The following HNRNPC variants were observed in gnomAD, a reference collection of about 807,000 sequenced individuals.
HNRNPC encodes the protein heterogeneous nuclear ribonucleoprotein C.
In HNRNPC, 3 loss-of-function variants were observed where a neutral mutation model predicts 33.2. The observed-to-expected ratio is 0.09, with a 90% CI of 0.04 to 0.23. The LOEUF is 0.23. Ranked by LOEUF, HNRNPC falls within the 10% of genes least tolerant of loss-of-function variation. HNRNPC has a pLI of 1.00. For synonymous variants in HNRNPC, 121 were observed against 126.7 expected (o/e 0.96, Z 0.30); for missense variants, 143 against 366.7 (o/e 0.39, Z 4.98).
At chr14:21,265,456 G>A (rs1878818572) in intron 1 of HNRNPC, 1 of 152,180 alleles carries the variant, frequency 6.6e-6, no homozygotes, top group Non-Finnish European at 1.5e-5. Flanking sequence ...TGTTATTTAT[G>A]TTAAACTGAA....
chr14:21,243,298 C>T (rs1379618875), intron 2 of HNRNPC, among the ~76,000 whole-genome samples: 4 of 152,096 alleles, frequency 2.6e-5, no homozygotes, highest in African/African-American at 4.8e-5. Context: ...CTCCTAACTT[C>T]AGTGCGTATC....
chr14:21,268,585 G>A (rs907468007), intron 1 of HNRNPC: 2 of 152,092 alleles, frequency 1.3e-5, no homozygotes, highest in Non-Finnish European at 2.9e-5. Context: ...ACACTTTTCT[G>A]CCTCAGTTTC....
chr14:21,239,643 G>A (rs1403375226), intron 2 of HNRNPC, among the ~76,000 whole-genome samples: 1 of 152,146 alleles, frequency 6.6e-6, no homozygotes, highest in Non-Finnish European at 1.5e-5. Context: ...GGAGGCTGAG[G>A]CGAGCAAATC....
At chr14:21,220,494 G>A (rs1892707067) in intron 5 of HNRNPC, among the ~76,000 whole-genome samples, 1 of 152,168 alleles carries the variant, frequency 6.6e-6, no homozygotes, top group South Asian at 2.1e-4. Flanking sequence ...CTCCCAAAGT[G>A]CTGGGATTAC....
chr14:21,209,548 A>C lies in HNRNPC; in HGVS notation c.*1675T>G, dbSNP rs1288415659. ...AGTATTTTTGACTGAATTAACATAC[A>C]AAAGAAATTGCCTATATCATGTATA... On this transcript the variant is annotated 3_prime_UTR_variant, in exon 9 of 9. Transcript: ENST00000553300. 2.0e-5 allele frequency: 3 copies of C among 152,202 alleles called. No homozygotes were observed. Among genetic ancestry groups the C allele is most frequent in the Non-Finnish European group, 4.4e-5 (3 of 68,022 alleles). The allele number at this position is 152,202 out of a possible 1,614,324, so 9.4% of individuals were successfully genotyped here. A position where few individuals can be genotyped will look rare whatever the true frequency, so the allele number is the denominator to read the frequency against.
At chr14:21,238,349 C>T (rs1894956193) in intron 2 of HNRNPC, among the ~76,000 whole-genome samples, 1 of 152,112 alleles carries the variant, frequency 6.6e-6, no homozygotes, top group African/African-American at 2.4e-5. Flanking sequence ...ACATAGGAGA[C>T]ATAAATGAAC....
intron 2 of HNRNPC, among the ~76,000 whole-genome samples, chr14:21,248,046 C>T (rs769466968): frequency 7.9e-5 from 12 of 151,714 alleles, no homozygotes; most frequent in Non-Finnish European, 1.2e-4. Context: ...CCACTATGAC[C>T]GAACCTTAAA....
At chr14:21,216,122 A>C (rs1216669016) in intron 5 of HNRNPC, among the ~76,000 whole-genome samples, 9 of 95,802 alleles carry the variant, frequency 9.4e-5, no homozygotes, top group Admixed American at 3.6e-4. Context: ...TCCACCACCA[A>C]AAAAAAAAAA....
At chr14:21,231,477 A>G (rs1021836759) in intron 3 of HNRNPC, 1 of 445,812 alleles carries the variant, frequency 2.2e-6, no homozygotes, top group Admixed American at 2.5e-5. Context: ...CCACCCAAGT[A>G]GCAGGGACCA....
intron 5 of HNRNPC, among the ~76,000 whole-genome samples, chr14:21,228,057 T>C (rs555536952): frequency 4.7e-4 from 71 of 152,280 alleles, no homozygotes; most frequent in African/African-American, 1.7e-3. Flanking sequence ...ATAAGACCAG[T>C]TGTGTAAGAA....
At chr14:21,218,796 TC>T (rs1892513625) in intron 5 of HNRNPC, among the ~76,000 whole-genome samples, 1 of 148,054 alleles carries the variant, frequency 6.8e-6, no homozygotes, top group Non-Finnish European at 1.5e-5. Context: ...GCCCAAGAGT[TC>T]AAGACCAGCC....
At chr14:21,241,080 C>G (rs1857383607) in intron 2 of HNRNPC, among the ~76,000 whole-genome samples, 1 of 151,944 alleles carries the variant, frequency 6.6e-6, no homozygotes, top group African/African-American at 2.4e-5. Flanking sequence ...ACCAGCCTGG[C>G]CAACGTGGTG....
rs894198129 is a variant in HNRNPC, at chr14:21,256,857, T to C, written c.-37+6454A>G. Among the ~76,000 whole-genome samples, 4 of 152,234 alleles carry C rather than the reference T, an allele frequency of 2.6e-5. No individual in the cohort carries two copies. In the South Asian group the frequency reaches 6.2e-4, roughly 24 times the overall value. Reference sequence around the variant, plus strand: ...TTTGAAGAGACAGGGTTTCACCATGTTGCCCAGGCCGGTCTCAAACCCCTG... The same window carrying C: ...TTTGAAGAGACAGGGTTTCACCATGCTGCCCAGGCCGGTCTCAAACCCCTG... On this transcript the variant is annotated intron_variant, in intron 2 of 8. Coordinates refer to ENST00000553300, the MANE Select transcript of HNRNPC (RefSeq NM_004500.4).
chr14:21,248,058 T>C (rs1896198720), intron 2 of HNRNPC, among the ~76,000 whole-genome samples: 2 of 151,628 alleles, frequency 1.3e-5, no homozygotes, highest in South Asian at 4.2e-4. Flanking sequence ...AACCTTAAAA[T>C]GAGGTCACAT....
At chr14:21,223,610 A>T (rs745518429) in intron 5 of HNRNPC, among the ~76,000 whole-genome samples, 8 of 151,610 alleles carry the variant, frequency 5.3e-5, no homozygotes, top group Non-Finnish European at 1.2e-4. Flanking sequence ...TTAGCCAGAC[A>T]TGGTGGCATG....
chr14:21,231,540 G>A (rs1594246290), intron 3 of HNRNPC: 7 of 385,314 alleles, frequency 1.8e-5, no homozygotes, highest in East Asian at 7.3e-5. Flanking sequence ...TTGGGGTCAC[G>A]TGATCTGCCT....
At chr14:21,249,841 G>A (rs560482044) in intron 2 of HNRNPC, among the ~76,000 whole-genome samples, 9 of 152,148 alleles carry the variant, frequency 5.9e-5, no homozygotes, top group African/African-American at 1.7e-4. Context: ...TTAAAGAAAG[G>A]TTCCAGAATC....
At chr14:21,236,607 T>C (rs1894722720) in intron 2 of HNRNPC, 2 of 152,212 alleles carry the variant, frequency 1.3e-5, no homozygotes, top group South Asian at 4.1e-4. Context: ...TCCAGTGGTA[T>C]TGCTACTTCA....
chr14:21,244,501 G>A (rs1322477262), intron 2 of HNRNPC, among the ~76,000 whole-genome samples: 1 of 152,114 alleles, frequency 6.6e-6, no homozygotes, highest in Non-Finnish European at 1.5e-5. Flanking sequence ...ACCAATGGTG[G>A]AGCTTTTGAA....
Sources: gnomAD v4.1 joint callset for allele counts (sites outside exome capture counted in the v4.1 genomes callset) on GRCh38, gnomAD v4.1.1 for gene constraint, MANE v1.5 for transcripts, NCBI Gene and HGNC (gene_info 2026-07-23, HGNC 2026-07-21) for gene names.